The following CAPRIN2 variants were observed in gnomAD, a reference collection of about 807,000 sequenced individuals.
The protein encoded by CAPRIN2 is caprin family member 2.
CAPRIN2 carries 66 observed loss-of-function variants against 130.4 expected under a neutral mutation model. The observed-to-expected ratio is 0.51, with a 90% CI of 0.42 to 0.62. CAPRIN2 has a LOEUF of 0.62. CAPRIN2 is among the 20% of genes least tolerant of loss of function. The pLI is 0.00. For missense variants in CAPRIN2, 1,185 were observed against 1,246.6 expected (o/e 0.95, Z 0.74); for synonymous variants, 471 against 444.1 (o/e 1.06, Z -0.76).
chr12:30,726,924 G>C (rs1433562574), intron 8 of CAPRIN2, among the ~76,000 whole-genome samples: 1 of 152,066 alleles, frequency 6.6e-6, no homozygotes, highest in Admixed American at 6.6e-5. Context: ...CAGATTCCAA[G>C]AAAGACAGAA....
At chr12:30,741,026 G>A (rs767136674) in exon 3 of CAPRIN2, 20 of 1,602,794 alleles carry the variant, frequency 1.2e-5, no homozygotes, top group Non-Finnish European at 1.5e-5. Context: ...TCACATCTAG[G>A]CTCAACCCAG....
At chr12:30,729,593 G>A (rs996650054) in intron 7 of CAPRIN2, among the ~76,000 whole-genome samples, 2 of 152,206 alleles carry the variant, frequency 1.3e-5, no homozygotes, top group South Asian at 2.1e-4. Context: ...AGACTGGCAA[G>A]AATTGCTTGA....
Position 30,710,164 on chromosome 12 carries a change from A to G in CAPRIN2, c.2972T>C (p.Val991Ala). ...AAAAATGAAAACGTAAGTGCCATTCACTGGGCAATTAAATCTACCAAGCTG... is the reference window on the plus strand; with the variant it reads ...AAAAATGAAAACGTAAGTGCCATTCGCTGGGCAATTAAATCTACCAAGCTG... The change falls in exon 17 of 17, where the codon GTG becomes GCG. Residue 991 changes from valine (V) to alanine (A), a missense_variant. This residue lies in a region of CAPRIN2 where 81 missense variants were observed against 142.2 expected (regional missense o/e 0.57). Transcript: ENST00000298892. This position sits in a 1 kb window ranked among gnomAD's most constrained non-coding sequence, Gnocchi z 4.8. The G allele has an allele frequency of 6.2e-7, 1 of 1,614,144 alleles. No individual in the cohort carries two copies. Among genetic ancestry groups the G allele is most frequent in the East Asian group, 2.2e-5 (1 of 44,858 alleles).
chr12:30,743,083 A>G (rs2068252048), intron 2 of CAPRIN2, among the ~76,000 whole-genome samples: 1 of 151,302 alleles, frequency 6.6e-6, no homozygotes, highest in South Asian at 2.1e-4. Context: ...CTATCCTTTC[A>G]TTTTTCCTTT....
intron 12 of CAPRIN2, chr12:30,720,034 A>C (rs2136957831): frequency 6.6e-6 from 1 of 152,352 alleles, no homozygotes; most frequent in African/African-American, 2.4e-5. Context: ...AACTTAGTAA[A>C]AACTGTAACT....
At chr12:30,746,915 T>C (rs1355664256) in intron 2 of CAPRIN2, among the ~76,000 whole-genome samples, 7 of 152,242 alleles carry the variant, frequency 4.6e-5, no homozygotes, top group African/African-American at 1.2e-4. Flanking sequence ...ATTTTCAATG[T>C]AGATGCAAGA....
chr12:30,716,986 G>A (rs373865460), intron 12 of CAPRIN2, among the ~76,000 whole-genome samples: 76 of 152,284 alleles, frequency 5.0e-4, no homozygotes, highest in African/African-American at 1.7e-3. Flanking sequence ...ATGCATTGCC[G>A]GTGGGAATGC....
chr12:30,746,886 TGGCTACACTA>T (rs2070773177), intron 2 of CAPRIN2, among the ~76,000 whole-genome samples: 1 of 152,240 alleles, frequency 6.6e-6, no homozygotes, highest in South Asian at 2.1e-4. Context: ...TTGATGGAGC[TGGCTACACTA>T]AACAACAGAT....
rs887078819 is a variant in CAPRIN2 at position 30,748,663 on chromosome 12, A to AT, written c.483+2407dup. On this transcript the variant is annotated intron_variant, in intron 2 of 16. Transcript: ENST00000298892. ...CTGGTAACAATTCTCTGAAGATTCT[A>AT]TTTTTTTTTCCTTCTGACTTATCTG... Among the ~76,000 whole-genome samples, 21 of 150,778 alleles carry AT rather than the reference A, an allele frequency of 1.4e-4. No homozygotes were observed. The East Asian group carries it at 2.7e-3, about 20-fold the overall frequency.
chr12:30,740,883 C>T, intron 3 of CAPRIN2, 137 bp downstream of exon 4: 1 of 591,820 alleles, frequency 1.7e-6, no homozygotes. Context: ...TATCCTCAAC[C>T]TTCCATCACG....
intron 3 of CAPRIN2, among the ~76,000 whole-genome samples, chr12:30,736,328 C>T (rs117315037): frequency 0.011 from 1,671 of 151,938 alleles, 18 homozygotes; most frequent in Non-Finnish European, 0.019. Context: ...AAGGTCTTTT[C>T]CCTCCATAGT....
chr12:30,730,383 G>A (rs2062258202), intron 6 of CAPRIN2, 101 bp from the exon 8 acceptor site: 5 of 834,362 alleles, frequency 6.0e-6, no homozygotes, highest in East Asian at 5.0e-5. Context: ...CAGAAGACTC[G>A]TAACAGAAAA....
chr12:30,753,909 A>G (rs1375810535), exon 1 of CAPRIN2: 2 of 701,958 alleles, frequency 2.8e-6, no homozygotes, highest in South Asian at 3.8e-5. Context: ...CTTTCTTCTC[A>G]TGAGGGCAGA....
At chr12:30,716,287 C>G in intron 13 of CAPRIN2, 3 of 447,736 alleles carry the variant, frequency 6.7e-6, no homozygotes, top group African/African-American at 4.1e-5. Flanking sequence ...AAGGTTAAAT[C>G]CGTCATCTAA....
chr12:30,737,277 A>G (rs762664861), intron 3 of CAPRIN2, among the ~76,000 whole-genome samples: 7 of 152,066 alleles, frequency 4.6e-5, no homozygotes, highest in African/African-American at 7.2e-5. Context: ...TACAGACGTA[A>G]GCCACCATCC....
intron 12 of CAPRIN2, among the ~76,000 whole-genome samples, chr12:30,718,110 G>C (rs2058234578): frequency 6.6e-6 from 1 of 152,176 alleles, no homozygotes; most frequent in Non-Finnish European, 1.5e-5. Flanking sequence ...CAAGCTCAGG[G>C]GACTAGTGTG....
At chr12:30,740,315 A>G (rs913351729) in intron 3 of CAPRIN2, among the ~76,000 whole-genome samples, 4 of 152,144 alleles carry the variant, frequency 2.6e-5, no homozygotes, top group African/African-American at 4.8e-5. Flanking sequence ...AAATATCCAA[A>G]AAAATAGAAG....
Position 30,741,119 on chromosome 12 carries a change from A to G in CAPRIN2, c.484-13T>C, listed in dbSNP as rs1347310117. The G allele has an allele frequency of 2.7e-6, 4 of 1,474,254 alleles. No homozygotes were observed. Among genetic ancestry groups the G allele is most frequent in the African/African-American group, 1.4e-5 (1 of 71,520 alleles). 91.3% of individuals were successfully genotyped at this position (1,474,254 alleles called of 1,614,324 possible). On this transcript the variant is annotated splice_polypyrimidine_tract_variant and intron_variant, in intron 2 of 16. Coordinates refer to ENST00000298892, the Ensembl canonical transcript of CAPRIN2. Reference sequence around the variant, plus strand: ...TCTCTACAGCTTCCTACCAAATAGGATAAGAAAACATAAATTTTGTGACTG... The same window carrying G: ...TCTCTACAGCTTCCTACCAAATAGGGTAAGAAAACATAAATTTTGTGACTG...
intron 3 of CAPRIN2, among the ~76,000 whole-genome samples, chr12:30,735,641 G>A (rs147267054): frequency 1.3e-5 from 2 of 152,224 alleles, no homozygotes; most frequent in East Asian, 3.9e-4. Flanking sequence ...AAAGAAGACT[G>A]GCTAAAGCAT....
Sources: gnomAD v4.1 joint callset for allele counts (sites outside exome capture counted in the v4.1 genomes callset) on GRCh38, gnomAD v4.1.1 for gene constraint, gnomAD v4.1.1 regional missense constraint, Gnocchi (gnomAD v3.1) non-coding constraint, MANE v1.5 for transcripts, NCBI Gene and HGNC (gene_info 2026-07-23, HGNC 2026-07-21) for gene names.